The following SVIL variants were observed in gnomAD, a reference collection of about 807,000 sequenced individuals.
The protein encoded by SVIL is supervillin.
Under a neutral mutation model 240.4 loss-of-function variants are expected in SVIL, and 101 were observed. That is an observed-to-expected ratio of 0.42 (90% CI 0.36 to 0.50). The LOEUF (loss-of-function observed/expected upper bound fraction) is 0.50, where lower values mean the gene tolerates loss of function less well. Among genes scored for constraint, SVIL ranks in the 20% least tolerant of loss-of-function variants. The pLI, the probability that SVIL is intolerant of heterozygous loss-of-function variation, is 0.01. For synonymous variants in SVIL, 999 were observed against 1,100.0 expected, an observed-to-expected ratio of 0.91 and a Z score of 1.82; for missense variants, 2,512 against 2,818.7, an observed-to-expected ratio of 0.89 and a Z score of 2.46.
chr10:29,643,520 C>T (rs984267799), intron 3 of SVIL, among the ~76,000 whole-genome samples: 2 of 152,166 alleles, frequency 1.3e-5, no homozygotes, highest in African/African-American at 4.8e-5. Context: ...CTGTATGAAT[C>T]GAGCTTGTGG....
chr10:29,538,595 G>A (rs999809733), intron 6 of SVIL, among the ~76,000 whole-genome samples: 2 of 152,194 alleles, frequency 1.3e-5, no homozygotes, highest in African/African-American at 2.4e-5. Context: ...GCAGTGAGCC[G>A]CCGCTCCCAG....
chr10:29,570,447 A>T (rs1376640588), intron 1 of SVIL, among the ~76,000 whole-genome samples: 1 of 152,220 alleles, frequency 6.6e-6, no homozygotes, highest in African/African-American at 2.4e-5. Context: ...TTAGCGTTTC[A>T]GTTTTGTTCA....
At chr10:29,730,482 G>T (rs1055623282) in intron 1 of SVIL, among the ~76,000 whole-genome samples, 1 of 152,200 alleles carries the variant, frequency 6.6e-6, no homozygotes, top group Non-Finnish European at 1.5e-5. Context: ...CTCCAAGATG[G>T]AAACCCTGGG....
intron 6 of SVIL, among the ~76,000 whole-genome samples, chr10:29,547,571 T>C (rs978063002): frequency 3.3e-5 from 5 of 152,210 alleles, no homozygotes; most frequent in Non-Finnish European, 5.9e-5. Context: ...CAGGCCTAAA[T>C]ATGTCAACAA....
At chr10:29,469,986 C>T (rs1015732463) in intron 32 of SVIL, among the ~76,000 whole-genome samples, 2 of 152,228 alleles carry the variant, frequency 1.3e-5, no homozygotes, top group African/African-American at 4.8e-5. Context: ...TGAACGGCAA[C>T]TATGAAGAAA....
chr10:29,472,208 G>A (rs1945661452), intron 30 of SVIL, among the ~76,000 whole-genome samples: 1 of 152,190 alleles, frequency 6.6e-6, no homozygotes, highest in African/African-American at 2.4e-5. Context: ...AAAACTCTGA[G>A]GATGATTTTG....
At chr10:29,626,744 G>A (rs1011431060) in intron 1 of SVIL, among the ~76,000 whole-genome samples, 9 of 152,216 alleles carry the variant, frequency 5.9e-5, no homozygotes, top group African/African-American at 2.2e-4. Flanking sequence ...AAAGAATCAG[G>A]CTGGGCGCGG....
intron 3 of SVIL, among the ~76,000 whole-genome samples, chr10:29,656,850 G>A (rs1959022060): frequency 6.6e-6 from 1 of 152,152 alleles, no homozygotes. Flanking sequence ...GTGAGCAGCA[G>A]GACCCAGATT....
At chr10:29,722,839 C>T (rs952001864) in intron 1 of SVIL, among the ~76,000 whole-genome samples, 1 of 152,128 alleles carries the variant, frequency 6.6e-6, no homozygotes, top group Non-Finnish European at 1.5e-5. Context: ...ACATCACTGC[C>T]GTTTACTTAT....
intron 1 of SVIL, among the ~76,000 whole-genome samples, chr10:29,726,544 C>T (rs1391494647): frequency 1.3e-5 from 2 of 151,764 alleles, no homozygotes; most frequent in African/African-American, 4.8e-5. Flanking sequence ...GTCAGGAGTT[C>T]GAGACCAGAC....
At chr10:29,545,853 C>CAAAAAAAAAAAAAAAAAAAAAAAAAAA (rs755360700) in intron 6 of SVIL, among the ~76,000 whole-genome samples, 2 of 63,566 alleles carry the variant, frequency 3.1e-5, no homozygotes, top group Non-Finnish European at 5.7e-5. Context: ...GACTCTGTCT[C>CAAAAAAAAAAAAAAAAAAAAAAAAAAA]AAAAAAAAAA....
intron 1 of SVIL, among the ~76,000 whole-genome samples, chr10:29,695,297 G>A (rs1961839512): frequency 6.6e-6 from 1 of 152,126 alleles, no homozygotes; most frequent in Admixed American, 6.5e-5. Context: ...GTGGGAGTGA[G>A]GGATGAAAAA....
At chr10:29,678,609 C>T (rs1414645344) in intron 2 of SVIL, among the ~76,000 whole-genome samples, 1 of 152,218 alleles carries the variant, frequency 6.6e-6, no homozygotes, top group African/African-American at 2.4e-5. Flanking sequence ...AACCCTGCAT[C>T]TGTGAATGGC....
rs1447750296 is a variant in SVIL at position 29,522,444 on chromosome 10, C to T, written c.3355G>A (p.Asp1119Asn). ...ATAGACATGGTTTTGCTGGGTGAGTCAAGAAGGCCCTCCCCTGTCGGCGTT... is the reference window on the plus strand; with the variant it reads ...ATAGACATGGTTTTGCTGGGTGAGTTAAGAAGGCCCTCCCCTGTCGGCGTT... The part of the protein sequence containing the change: ...IKTPTGEGLL[D>N]SPSKTMSIKE... The change falls in exon 16 of 38, where the codon GAC becomes AAC. Residue 1119 changes from aspartate to asparagine, a missense_variant. This residue lies in a region of SVIL where 1,443 missense variants were observed against 1,486.6 expected (regional missense o/e 0.97). Coordinates refer to ENST00000355867, the MANE Select transcript of SVIL (RefSeq NM_021738.3). 1 of 1,614,038 alleles carries T rather than the reference C, an allele frequency of 6.2e-7. No individual in the cohort carries two copies. Among genetic ancestry groups the T allele is most frequent in the African/African-American group, 1.3e-5 (1 of 74,908 alleles).
chr10:29,714,335 GAA>G lies in SVIL; in HGVS notation c.-400+21414_-400+21415del, dbSNP rs200112146. Among the ~76,000 whole-genome samples, 757 of 152,274 alleles carry G rather than the reference GAA, an allele frequency of 5.0e-3. 9 individuals carry two copies. Among genetic ancestry groups the G allele is most frequent in the African/African-American group, 0.017 (715 of 41,550 alleles). ...CCAATACTTAAACCTCAAAAAAGGC[GAA>G]GACTATGGGTTCAGATTTTATTATT... On this transcript the variant is annotated intron_variant, in intron 1 of 35. Transcript: ENST00000375400.
At chr10:29,732,340 G>A (rs929159938) in intron 1 of SVIL, among the ~76,000 whole-genome samples, 2 of 151,782 alleles carry the variant, frequency 1.3e-5, no homozygotes, top group Admixed American at 6.6e-5. Context: ...AAATCAAGAG[G>A]TATAAAATAG....
chr10:29,461,438 C>T (rs966925936), intron 36 of SVIL, among the ~76,000 whole-genome samples: 1 of 152,060 alleles, frequency 6.6e-6, no homozygotes, highest in Non-Finnish European at 1.5e-5. Flanking sequence ...CCCAACAGGC[C>T]CTCTCCATTG....
intron 6 of SVIL, among the ~76,000 whole-genome samples, chr10:29,542,334 G>T (rs1406939476): frequency 6.6e-6 from 1 of 152,132 alleles, no homozygotes; most frequent in Non-Finnish European, 1.5e-5. Flanking sequence ...ACTAGAGCAA[G>T]GTATCTACTC....
rs980031136 is a variant in SVIL, at chr10:29,523,891, T to C, written c.2723A>G (p.Asp908Gly). ...TTCTATTGAAGAAGAAAACTTATAG[T>C]CAGTGGCACTTGCATTGTGGTCAAG... Reference protein sequence around the residue: ...PPLDHNASATDYKFSSSIENS... With the variant: ...PPLDHNASATGYKFSSSIENS... Residue 908 changes from aspartate to glycine, a missense_variant, in exon 15 of 38, where the codon GAC (aspartate) becomes GGC (glycine). Physicochemically the swap from Asp to Gly is moderately conservative, Grantham distance 94 (BLOSUM62 -1). Around this residue, in one of 3 missense-constraint regions of SVIL, gnomAD observed 1,443 missense variants for 1,486.6 expected, o/e 0.97. Transcript: ENST00000355867. 3.2e-5 allele frequency: 52 copies of C among 1,614,070 alleles called. No homozygotes were observed. The highest frequency in any genetic ancestry group is 4.3e-5 in the Non-Finnish European group (51 of 1,180,040).
Sources: gnomAD v4.1 joint callset for allele counts (sites outside exome capture counted in the v4.1 genomes callset) on GRCh38, gnomAD v4.1.1 for gene constraint, gnomAD v4.1.1 regional missense constraint, MANE v1.5 for transcripts, NCBI Gene and HGNC (gene_info 2026-07-23, HGNC 2026-07-21) for gene names.